SLC16A12: variants seen among roughly 807,000 people sequenced by gnomAD.
SLC16A12 encodes the protein solute carrier family 16 member 12, also known as monocarboxylate transporter 12.
SLC16A12 carries 17 observed loss-of-function variants against 42.4 expected under a neutral mutation model. The observed-to-expected ratio is 0.40, with a 90% CI of 0.27 to 0.60. The LOEUF (loss-of-function observed/expected upper bound fraction) is 0.60, where lower values mean the gene tolerates loss of function less well. Among genes scored for constraint, SLC16A12 ranks in the 20% least tolerant of loss-of-function variants. The probability of loss-of-function intolerance (pLI) is 0.42; values close to 1 mark genes in which losing one functional copy is unlikely to be tolerated. For synonymous variants in SLC16A12, 224 were observed against 229.4 expected, an observed-to-expected ratio of 0.98 and a Z score of 0.21; for missense variants, 544 against 623.0, an observed-to-expected ratio of 0.87 and a Z score of 1.35.
Position 89,554,092 on chromosome 10 carries a change from GAAAGAAA to G in SLC16A12, c.-47+1783_-47+1789del, listed in dbSNP as rs1843791000. Among the ~76,000 whole-genome samples the G allele has an allele frequency of 5.1e-3, 541 of 105,958 alleles. 2 individuals carry two copies. Among genetic ancestry groups the G allele is most frequent in the Non-Finnish European group, 7.4e-3 (339 of 45,820 alleles). 69.5% of individuals were successfully genotyped at this position (105,958 alleles called of 152,430 possible). ...AGAAAGAAAGAAAGAAAGAAAGAAA[GAAAGAAA>G]GAAGGAAGGAAGGAAGGAAGGAAGG... On this transcript the variant is annotated intron_variant, in intron 2 of 2. Transcript: ENST00000475682.
At chr10:89,473,147 A>G (rs1842527362) in intron 2 of SLC16A12, among the ~76,000 whole-genome samples, 1 of 151,506 alleles carries the variant, frequency 6.6e-6, no homozygotes, top group Non-Finnish European at 1.5e-5. Flanking sequence ...TTTTTAATGG[A>G]AACTGACAAG....
chr10:89,505,755 G>A (rs1843050719), intron 2 of SLC16A12, among the ~76,000 whole-genome samples: 2 of 152,178 alleles, frequency 1.3e-5, no homozygotes, highest in South Asian at 2.1e-4. Context: ...CTTCGCAACC[G>A]GAAGACCAGG....
chr10:89,512,766 G>A (rs904233917), intron 2 of SLC16A12, among the ~76,000 whole-genome samples: 3 of 152,118 alleles, frequency 2.0e-5, no homozygotes, highest in Non-Finnish European at 4.4e-5. Context: ...GGTTTTCTGA[G>A]TTCTGTGAGC....
At chr10:89,455,218 T>C (rs79751085) in intron 3 of SLC16A12, among the ~76,000 whole-genome samples, 28 of 152,254 alleles carry the variant, frequency 1.8e-4, no homozygotes, top group Admixed American at 1.1e-3. Context: ...GATCACATGA[T>C]GTCTAAGAGA....
intron 2 of SLC16A12, among the ~76,000 whole-genome samples, chr10:89,501,993 G>A (rs889964223): frequency 1.3e-5 from 2 of 152,050 alleles, no homozygotes; most frequent in Admixed American, 6.5e-5. Flanking sequence ...ACTGGAAAAC[G>A]AATTGTCTCA....
chr10:89,516,175 C>A (rs1411364130), intron 2 of SLC16A12, among the ~76,000 whole-genome samples: 1 of 152,122 alleles, frequency 6.6e-6, no homozygotes, highest in African/African-American at 2.4e-5. Context: ...AATGTAAACT[C>A]CGAGAGGCAG....
chr10:89,506,240 C>T (rs1266250175), intron 2 of SLC16A12, among the ~76,000 whole-genome samples: 1 of 152,204 alleles, frequency 6.6e-6, no homozygotes, highest in East Asian at 1.9e-4. Context: ...GACAGACTGC[C>T]TCCTCAACTG....
At chr10:89,509,549 G>T (rs1843129808) in intron 2 of SLC16A12, among the ~76,000 whole-genome samples, 1 of 152,142 alleles carries the variant, frequency 6.6e-6, no homozygotes, top group African/African-American at 2.4e-5. Flanking sequence ...AGCTCTTCAT[G>T]CTAAAAATTC....
chr10:89,503,323 A>G (rs1843014598), intron 2 of SLC16A12, among the ~76,000 whole-genome samples: 1 of 152,186 alleles, frequency 6.6e-6, no homozygotes, highest in Non-Finnish European at 1.5e-5. Context: ...GTGGTGACTC[A>G]CTTTAATAGG....
intron 2 of SLC16A12, among the ~76,000 whole-genome samples, chr10:89,553,459 A>G (rs890474358): frequency 2.0e-5 from 3 of 152,242 alleles, no homozygotes; most frequent in Non-Finnish European, 4.4e-5. Flanking sequence ...ACTCATTTCA[A>G]TACTAAATTG....
chr10:89,432,757 G>C lies in SLC16A12; in HGVS notation c.*307C>G, dbSNP rs1841713040. ...GTGTCATCTGCTTTGGTTATGCTTT[G>C]AAATTATCCCTAATTACAGCTAATT... On this transcript the variant is annotated 3_prime_UTR_variant, in exon 8 of 8. Coordinates refer to ENST00000371790, the MANE Select transcript of SLC16A12 (RefSeq NM_213606.4). The C allele has an allele frequency of 3.3e-6, 1 of 306,856 alleles. No homozygotes were observed. The highest frequency in any genetic ancestry group is 2.2e-5 in the African/African-American group (1 of 45,398). 19.0% of individuals were successfully genotyped at this position (306,856 alleles called of 1,614,324 possible).
At chr10:89,519,939 C>A (rs983076237) in intron 2 of SLC16A12, among the ~76,000 whole-genome samples, 1 of 151,934 alleles carries the variant, frequency 6.6e-6, no homozygotes, top group South Asian at 2.1e-4. Context: ...ATGGTGAAAC[C>A]CTGTCTCTAC....
chr10:89,519,100 C>A (rs1407412387), intron 2 of SLC16A12, among the ~76,000 whole-genome samples: 1 of 152,132 alleles, frequency 6.6e-6, no homozygotes, highest in Non-Finnish European at 1.5e-5. Context: ...TGAAATAATT[C>A]TATGGGACAT....
Position 89,459,516 on chromosome 10 carries a change from A to G in SLC16A12, c.200+2863T>C, listed in dbSNP as rs1470709579. ...AAAGGGCATAGCGGTTTCTGTGTTT[A>G]TGTGTGTGTGTGTGTGTGTGTATGT... On this transcript the variant is annotated intron_variant, in intron 3 of 7. Transcript: ENST00000371790. Among the ~76,000 whole-genome samples, 13 of 149,636 alleles carry G rather than the reference A, an allele frequency of 8.7e-5. No homozygotes were observed. The South Asian group carries it at 1.7e-3, about 19-fold the overall frequency.
chr10:89,475,345 A>C (rs1842561397), intron 2 of SLC16A12, among the ~76,000 whole-genome samples: 1 of 152,194 alleles, frequency 6.6e-6, no homozygotes. Context: ...AAAGGGACTG[A>C]ACGTGGGAGG....
intron 2 of SLC16A12, among the ~76,000 whole-genome samples, chr10:89,555,698 CATATAT>C (rs57404736): frequency 1.8e-4 from 23 of 124,658 alleles, no homozygotes; most frequent in African/African-American, 6.2e-4. Flanking sequence ...CACATATATA[CATATAT>C]ATATATATAT....
intron 2 of SLC16A12, among the ~76,000 whole-genome samples, chr10:89,490,236 A>C (rs576014074): frequency 6.6e-6 from 1 of 152,356 alleles, no homozygotes; most frequent in Admixed American, 6.5e-5. Context: ...ACTTGCTGGC[A>C]ACTCCTGGAG....
chr10:89,463,996 A>C (rs1589681008), intron 2 of SLC16A12, among the ~76,000 whole-genome samples: 1 of 151,844 alleles, frequency 6.6e-6, no homozygotes, highest in African/African-American at 2.4e-5. Flanking sequence ...ATGGAACCTG[A>C]CTCTCGTAAT....
At position 89,521,788 on chromosome 10, in the gene SLC16A12, T is replaced by C. The variant is rs140547995; in HGVS notation, c.-47+12713A>G. Reference sequence around the variant, plus strand: ...TCTGGCTGAAGCATCCAAAGTTACCTGTGATGTGTGTTGTTTTGCCAATTC... The same window carrying C: ...TCTGGCTGAAGCATCCAAAGTTACCCGTGATGTGTGTTGTTTTGCCAATTC... On this transcript the variant is annotated intron_variant, in intron 2 of 7. Transcript: ENST00000371790. Among the ~76,000 whole-genome samples, 978 of 152,372 alleles carry C rather than the reference T, an allele frequency of 6.4e-3. 2 individuals are homozygous for C. The highest frequency in any genetic ancestry group is 0.011 in the Non-Finnish European group (719 of 68,048).
Sources: gnomAD v4.1 joint callset for allele counts (sites outside exome capture counted in the v4.1 genomes callset) on GRCh38, gnomAD v4.1.1 for gene constraint, MANE v1.5 for transcripts, NCBI Gene and HGNC (gene_info 2026-07-23, HGNC 2026-07-21) for gene names.